Variants in STXBP5L observed in about 807,000 individuals in gnomAD.
The protein encoded by STXBP5L is syntaxin-binding protein 5-like.
A neutral mutation model predicts 144.5 loss-of-function variants in STXBP5L; 65 were observed. That is an observed-to-expected ratio of 0.45 (90% CI 0.37 to 0.55). The LOEUF (loss-of-function observed/expected upper bound fraction) is 0.55, where lower values mean the gene tolerates loss of function less well. STXBP5L is among the 20% of genes least tolerant of loss of function. The probability of loss-of-function intolerance (pLI) is 0.00; values close to 1 mark genes in which losing one functional copy is unlikely to be tolerated. For synonymous variants in STXBP5L, 505 were observed against 469.6 expected (o/e 1.08, Z -0.97); for missense variants, 1,298 against 1,405.5 (o/e 0.92, Z 1.22).
chr3:121,066,721 T>G (rs1050107199), intron 5 of STXBP5L, among the ~76,000 whole-genome samples: 1 of 152,132 alleles, frequency 6.6e-6, no homozygotes, highest in Non-Finnish European at 1.5e-5. Context: ...TTCATAGTTA[T>G]GTCGACTTTA....
chr3:120,976,142 G>C (rs536590019), intron 3 of STXBP5L, among the ~76,000 whole-genome samples: 1 of 151,964 alleles, frequency 6.6e-6, no homozygotes, highest in Non-Finnish European at 1.5e-5. Flanking sequence ...CTTGTACCTC[G>C]GGTAGAATTC....
intron 2 of STXBP5L, among the ~76,000 whole-genome samples, chr3:120,937,601 G>A (rs1710332518): frequency 6.6e-6 from 1 of 152,092 alleles, no homozygotes; most frequent in Non-Finnish European, 1.5e-5. Flanking sequence ...TGTGACCTTA[G>A]TTTTCTGATG....
At chr3:121,286,199 A>G (rs937738576) in intron 19 of STXBP5L, among the ~76,000 whole-genome samples, 1 of 152,146 alleles carries the variant, frequency 6.6e-6, no homozygotes, top group African/African-American at 2.4e-5. Flanking sequence ...TTCAAAGGGT[A>G]GGGGTATGAT....
At chr3:120,985,972 T>C (rs611535) in intron 3 of STXBP5L, among the ~76,000 whole-genome samples, 227 of 152,122 alleles carry the variant, frequency 1.5e-3, no homozygotes, top group African/African-American at 5.2e-3. Context: ...GTTTATTTTG[T>C]TGTTCTTTTT....
At chr3:121,000,053 C>T (rs777342731) in intron 3 of STXBP5L, among the ~76,000 whole-genome samples, 1 of 152,096 alleles carries the variant, frequency 6.6e-6, no homozygotes, top group Non-Finnish European at 1.5e-5. Context: ...TTGTCCTTCA[C>T]ATTGAGCTTG....
In STXBP5L at chr3:121,263,184, G is replaced by A. The variant is rs115850510; in HGVS notation, c.1958+4016G>A. ...GTGATACCCAGGCAAACAGGTTCTGGAGTGGACCACCCAGCAAACTCCAGC... is the reference window on the plus strand; with the variant it reads ...GTGATACCCAGGCAAACAGGTTCTGAAGTGGACCACCCAGCAAACTCCAGC... On this transcript the variant is annotated intron_variant, in intron 18 of 26. Coordinates refer to ENST00000471454, the MANE Select transcript of STXBP5L (RefSeq NM_001308330.2). 3.0e-3 allele frequency among the ~76,000 whole-genome samples: 462 copies of A among 152,316 alleles called. 5 individuals are homozygous for A. The highest frequency in any genetic ancestry group is 0.011 in the African/African-American group (445 of 41,566).
At chr3:120,938,896 T>G (rs1364650854) in intron 2 of STXBP5L, among the ~76,000 whole-genome samples, 3 of 152,100 alleles carry the variant, frequency 2.0e-5, no homozygotes, top group Admixed American at 6.6e-5. Context: ...TCCTCCCACC[T>G]CATCCTTCCC....
chr3:120,973,120 T>A (rs1171974865), intron 3 of STXBP5L, among the ~76,000 whole-genome samples: 4 of 152,118 alleles, frequency 2.6e-5, no homozygotes, highest in Non-Finnish European at 5.9e-5. Context: ...TTCTCGATAT[T>A]TTGGCATAAC....
Position 120,961,913 on chromosome 3 carries a change from C to T in STXBP5L, c.287+6876C>T, listed in dbSNP as rs1938877889. ...CAACAGTGTAAATGCATTCCTATTT[C>T]TCCACATCCTCCCCAACATCTGTTG... is the stretch of plus-strand genomic sequence containing the variant. On this transcript the variant is annotated intron_variant, in intron 3 of 26. Transcript: ENST00000471454. Among the ~76,000 whole-genome samples the T allele has an allele frequency of 1.3e-5, 2 of 152,214 alleles. 1 individual carries two copies. Among genetic ancestry groups the T allele is most frequent in the South Asian group, 4.1e-4 (2 of 4,820 alleles).
rs1444585426 is a variant in STXBP5L at position 120,990,959 on chromosome 3, C to G, written c.287+35922C>G. ...ACTAAAACACCAAAAGCAATGGCAA[C>G]AAAAGCCAAAACTGACAAATGGGAT... On this transcript the variant is annotated intron_variant, in intron 3 of 26. Transcript: ENST00000471454. Among the ~76,000 whole-genome samples the G allele has an allele frequency of 3.9e-5, 6 of 152,182 alleles. No homozygotes were observed. In the South Asian group the frequency reaches 6.2e-4, roughly 16 times the overall value.
At position 121,121,634 on chromosome 3, in the gene STXBP5L, T is replaced by C; in HGVS notation, c.606-7T>C. The C allele has an allele frequency of 6.3e-7, 1 of 1,590,830 alleles. No homozygotes were observed. The highest frequency in any genetic ancestry group is 1.7e-4 in the Middle Eastern group (1 of 5,964). On this transcript the variant is annotated splice_region_variant and splice_polypyrimidine_tract_variant and intron_variant, in intron 6 of 26. Coordinates refer to ENST00000471454, the MANE Select transcript of STXBP5L (RefSeq NM_001308330.2). Reference sequence around the variant, plus strand: ...TTTTTAATTACTGTTTTGAATTGATTTAACAGATCCACTAAGACTCATCCA... The same window carrying C: ...TTTTTAATTACTGTTTTGAATTGATCTAACAGATCCACTAAGACTCATCCA...
At chr3:121,333,075 C>T (rs537484832) in intron 20 of STXBP5L, among the ~76,000 whole-genome samples, 3 of 152,020 alleles carry the variant, frequency 2.0e-5, no homozygotes, top group Non-Finnish European at 4.4e-5. Context: ...AAAAAAAATG[C>T]TAAAAGGGGG....
rs1027212504 is a variant in STXBP5L, at chr3:121,202,885, G to A, written c.878-3038G>A. On this transcript the variant is annotated intron_variant, in intron 9 of 26. Coordinates refer to ENST00000471454, the MANE Select transcript of STXBP5L (RefSeq NM_001308330.2). ...TAGAGATTTCTTTATCCTACTTGGAGTTTATTGAAATTCTTAAAGCATAGA... is the reference window on the plus strand; with the variant it reads ...TAGAGATTTCTTTATCCTACTTGGAATTTATTGAAATTCTTAAAGCATAGA... Among the ~76,000 whole-genome samples the A allele has an allele frequency of 4.6e-5, 7 of 151,868 alleles. 1 individual carries two copies. Among genetic ancestry groups the A allele is most frequent in the Non-Finnish European group, 8.8e-5 (6 of 67,942 alleles).
intron 3 of STXBP5L, among the ~76,000 whole-genome samples, chr3:121,040,304 C>T (rs1947059787): frequency 6.6e-6 from 1 of 152,038 alleles, no homozygotes; most frequent in African/African-American, 2.4e-5. Context: ...TACTGCTAAG[C>T]AGAACCAGAG....
chr3:120,942,617 G>A (rs1710626421), intron 2 of STXBP5L, among the ~76,000 whole-genome samples: 1 of 151,010 alleles, frequency 6.6e-6, no homozygotes, highest in African/African-American at 2.4e-5. Flanking sequence ...GCTAGTATAG[G>A]TAATAGCTAC....
At chr3:121,358,538 G>A (rs1439021358) in intron 20 of STXBP5L, among the ~76,000 whole-genome samples, 1 of 152,018 alleles carries the variant, frequency 6.6e-6, no homozygotes, top group Non-Finnish European at 1.5e-5. Context: ...CTATCATGAG[G>A]CAGCACTAGG....
chr3:120,991,529 C>G (rs1384701208), intron 3 of STXBP5L, among the ~76,000 whole-genome samples: 1 of 152,202 alleles, frequency 6.6e-6, no homozygotes, highest in Admixed American at 6.5e-5. Context: ...GACACATGCA[C>G]ATGTATGTTT....
intron 3 of STXBP5L, among the ~76,000 whole-genome samples, chr3:121,024,978 A>C (rs1945823324): frequency 6.6e-6 from 1 of 152,204 alleles, no homozygotes; most frequent in African/African-American, 2.4e-5. Flanking sequence ...ACAGAATGTT[A>C]AAATGATAGT....
intron 22 of STXBP5L, among the ~76,000 whole-genome samples, chr3:121,406,572 T>C (rs959167440): frequency 1.3e-5 from 2 of 152,078 alleles, no homozygotes; most frequent in Non-Finnish European, 2.9e-5. Flanking sequence ...TAATCTGGCA[T>C]ACATTGTCAA....
Sources: gnomAD v4.1 joint callset for allele counts (sites outside exome capture counted in the v4.1 genomes callset) on GRCh38, gnomAD v4.1.1 for gene constraint, MANE v1.5 for transcripts, NCBI Gene and HGNC (gene_info 2026-07-23, HGNC 2026-07-21) for gene names.